PRKAG2: variants seen among roughly 807,000 people sequenced by gnomAD.
The protein encoded by PRKAG2 is 5'-AMP-activated protein kinase subunit gamma-2.
In PRKAG2, 26 loss-of-function variants were observed where a neutral mutation model predicts 69.6. That is an observed-to-expected ratio of 0.37 (90% CI 0.27 to 0.52). The LOEUF (loss-of-function observed/expected upper bound fraction) is 0.52, where lower values mean the gene tolerates loss of function less well. Ranked by LOEUF, PRKAG2 falls within the 20% of genes least tolerant of loss-of-function variation. The probability of loss-of-function intolerance (pLI) is 0.90; values close to 1 mark genes in which losing one functional copy is unlikely to be tolerated. For missense variants in PRKAG2, 557 were observed against 740.0 expected (o/e 0.75, Z 2.87); for synonymous variants, 293 against 285.0 (o/e 1.03, Z -0.28).
chr7:151,739,048 G>A (rs922247732), intron 3 of PRKAG2, among the ~76,000 whole-genome samples: 6 of 152,156 alleles, frequency 3.9e-5, no homozygotes, highest in South Asian at 2.1e-4. Flanking sequence ...GAAGCCAACC[G>A]GGTTCGGGTC....
At chr7:151,841,559 T>C (rs1020744769) in intron 1 of PRKAG2, among the ~76,000 whole-genome samples, 1 of 144,570 alleles carries the variant, frequency 6.9e-6, no homozygotes, top group African/African-American at 2.7e-5. Context: ...GTAGGGATGG[T>C]AGTGATGGTA....
intron 10 of PRKAG2, among the ~76,000 whole-genome samples, chr7:151,569,852 T>C (rs1807130334): frequency 1.3e-5 from 2 of 152,212 alleles, no homozygotes; most frequent in South Asian, 4.1e-4. Flanking sequence ...TGTGTATTCC[T>C]GGGCCCTATC....
intron 1 of PRKAG2, among the ~76,000 whole-genome samples, chr7:151,826,449 C>CT (rs1458914384): frequency 6.6e-6 from 1 of 152,152 alleles, no homozygotes; most frequent in Admixed American, 6.5e-5. Context: ...TCCCAAAGTG[C>CT]TGGGATTACA....
intron 1 of PRKAG2, among the ~76,000 whole-genome samples, chr7:151,830,316 G>A (rs1218125337): frequency 6.6e-6 from 1 of 151,898 alleles, no homozygotes; most frequent in Non-Finnish European, 1.5e-5. Context: ...CCCGCCACCT[G>A]CACTGTGCTG....
At chr7:151,749,291 G>A (rs760364291) in intron 3 of PRKAG2, among the ~76,000 whole-genome samples, 1 of 152,174 alleles carries the variant, frequency 6.6e-6, no homozygotes, top group Non-Finnish European at 1.5e-5. Flanking sequence ...GAGGGGCAAT[G>A]AGACAGTCCC....
chr7:151,773,030 AG>A (rs2076119265), intron 3 of PRKAG2, among the ~76,000 whole-genome samples: 2 of 29,166 alleles, frequency 6.9e-5, no homozygotes, highest in Admixed American at 3.7e-4. Context: ...AGAAAGAGAG[AG>A]AGAGAGAGAG....
chr7:151,595,425 T>C lies in PRKAG2; in HGVS notation c.784A>G (p.Met262Val), dbSNP rs780245153. ...CACTTGTGTGACCTCATGAATCGCA[T>C]GTAAACACCACTTTCTGAGTCTTCT... ...AVEDSESGVY[M>V]RFMRSHKCYD... Residue 262 changes from methionine (M) to valine (V), a missense_variant, in exon 6 of 16, where the codon ATG becomes GTG. Met to Val is a conservative substitution (Grantham distance 21). Transcript: ENST00000287878. 2 of 1,613,980 alleles carry C rather than the reference T, an allele frequency of 1.2e-6. No individual in the cohort carries two copies. The highest frequency in any genetic ancestry group is 1.1e-5 in the South Asian group (1 of 91,082).
intron 6 of PRKAG2, among the ~76,000 whole-genome samples, chr7:151,589,802 G>A (rs937625420): frequency 2.0e-5 from 3 of 152,220 alleles, no homozygotes; most frequent in African/African-American, 4.8e-5. Context: ...AGGTGTGGTA[G>A]TGGGTGCCTG....
At position 151,835,573 on chromosome 7, in the gene PRKAG2, A is replaced by C. The variant is rs2079128092; in HGVS notation, c.114+40934T>G. 6.6e-6 allele frequency among the ~76,000 whole-genome samples: 1 copy of C among 152,104 alleles called. No homozygotes were observed. The highest frequency in any genetic ancestry group is 2.1e-4 in the South Asian group (1 of 4,834). On this transcript the variant is annotated intron_variant, in intron 1 of 15. Transcript: ENST00000287878. This position sits in a 1 kb window ranked among gnomAD's most constrained non-coding sequence, Gnocchi z 4.1. ...ATCTAACAGCATCCTCCCTGGCCTA[A>C]GCCTGGGAGCCTTCCTAAAGGCGTA...
intron 5 of PRKAG2, among the ~76,000 whole-genome samples, chr7:151,608,803 T>C (rs1818103876): frequency 6.7e-6 from 1 of 149,190 alleles, no homozygotes; most frequent in South Asian, 2.2e-4. Flanking sequence ...TATTCCTTTA[T>C]AAGATTAAAG....
intron 4 of PRKAG2, among the ~76,000 whole-genome samples, chr7:151,657,332 C>T (rs1054229324): frequency 6.6e-6 from 1 of 152,104 alleles, no homozygotes; most frequent in Non-Finnish European, 1.5e-5. Context: ...GCTCTGAGTC[C>T]CAGCTATGCC....
intron 1 of PRKAG2, among the ~76,000 whole-genome samples, chr7:151,796,658 T>A (rs4726095): frequency 0.74 from 111,764 of 151,952 alleles, 41,142 homozygotes; most frequent in African/African-American, 0.75. Flanking sequence ...ACCGCGTCTT[T>A]TTCACCCCTG....
At position 151,819,670 on chromosome 7, in the gene PRKAG2, AAC is replaced by A. The variant is rs1206638322; in HGVS notation, c.115-33131_115-33130del. Among the ~76,000 whole-genome samples the A allele has an allele frequency of 2.0e-5, 3 of 152,228 alleles. No individual in the cohort carries two copies. In the East Asian group the frequency reaches 5.8e-4, roughly 29 times the overall value. ...AAACAAACCAACCCCCGCAAAGGAT[AAC>A]AGTTTCTCTATCTTTCAAGGCCATG... On this transcript the variant is annotated intron_variant, in intron 1 of 15. Coordinates refer to ENST00000287878, the MANE Select transcript of PRKAG2 (RefSeq NM_016203.4).
chr7:151,577,445 G>T (rs543524330), intron 6 of PRKAG2, among the ~76,000 whole-genome samples: 1 of 152,190 alleles, frequency 6.6e-6, no homozygotes, highest in East Asian at 1.9e-4. Context: ...AATAACCCAA[G>T]AAATGCAAAT....
intron 4 of PRKAG2, among the ~76,000 whole-genome samples, chr7:151,663,745 T>C (rs548888592): frequency 6.6e-6 from 1 of 152,326 alleles, no homozygotes; most frequent in Non-Finnish European, 1.5e-5. Flanking sequence ...TGGAATGCAC[T>C]CCACGTCTTT....
At chr7:151,566,478 G>A (rs1806285012) in intron 11 of PRKAG2, 1 of 353,324 alleles carries the variant, frequency 2.8e-6, no homozygotes, top group African/African-American at 2.1e-5. Context: ...AACTTTTCAT[G>A]GGCTGTTTTA....
intron 14 of PRKAG2, 41 bp downstream of exon 14, chr7:151,564,037 C>T (rs1805678919): frequency 3.7e-6 from 6 of 1,612,838 alleles, no homozygotes; most frequent in Non-Finnish European, 2.5e-6. Context: ...GGACTTGTTG[C>T]AGTGGACGTC....
intron 3 of PRKAG2, among the ~76,000 whole-genome samples, chr7:151,708,058 G>A (rs952291252): frequency 2.0e-5 from 3 of 152,198 alleles, no homozygotes; most frequent in African/African-American, 7.2e-5. Context: ...CTGTCCACAA[G>A]GGGGGCGCTG....
intron 3 of PRKAG2, among the ~76,000 whole-genome samples, chr7:151,779,487 G>A (rs979375064): frequency 6.6e-6 from 1 of 152,170 alleles, no homozygotes; most frequent in African/African-American, 2.4e-5. Context: ...GATGGTTCCT[G>A]CCAGAGCTTC....
Sources: gnomAD v4.1 joint callset for allele counts (sites outside exome capture counted in the v4.1 genomes callset) on GRCh38, gnomAD v4.1.1 for gene constraint, Gnocchi (gnomAD v3.1) non-coding constraint, MANE v1.5 for transcripts, NCBI Gene and HGNC (gene_info 2026-07-23, HGNC 2026-07-21) for gene names.